PTTG1IP: variants seen among roughly 807,000 people sequenced by gnomAD.
The protein encoded by PTTG1IP is pituitary tumor-transforming gene 1 protein-interacting protein.
In PTTG1IP, 16 loss-of-function variants were observed where a neutral mutation model predicts 24.4. That is an observed-to-expected ratio of 0.66 (90% CI 0.44 to 1.00). PTTG1IP has a LOEUF of 1.00. PTTG1IP is among the 50% of genes least tolerant of loss of function. PTTG1IP has a pLI of 0.00. For missense variants in PTTG1IP, 241 were observed against 245.8 expected (o/e 0.98, Z 0.13); for synonymous variants, 89 against 96.8 (o/e 0.92, Z 0.47).
rs1472852030 is a variant in PTTG1IP, at chr21:44,856,269, T to C, written c.373A>G (p.Arg125Gly). 18 of 1,614,058 alleles carry C rather than the reference T, an allele frequency of 1.1e-5. No homozygotes were observed. The Admixed American group carries it at 3.0e-4, about 27-fold the overall frequency. The change falls in exon 4 of 6, where the codon AGG (arginine) becomes GGG (glycine). Residue 125 changes from arginine (R) to glycine (G), a missense_variant. Arg to Gly is a moderately radical substitution (Grantham distance 125). Transcript: ENST00000330938. Reference sequence around the variant, plus strand: ...TCACTCCTGTCCGGCTTCCGGCTCCTCTTCCTCCTGCAGCAGCAGCAGCAG... The same window carrying C: ...TCACTCCTGTCCGGCTTCCGGCTCCCCTTCCTCCTGCAGCAGCAGCAGCAG... The part of the protein sequence containing the change: ...ICCCCCCRRK[R>G]SRKPDRSEEK...
intron 1 of PTTG1IP, among the ~76,000 whole-genome samples, chr21:44,866,519 AAC>A (rs1357526824): frequency 9.9e-6 from 1 of 100,582 alleles, no homozygotes; most frequent in Non-Finnish European, 1.9e-5. Flanking sequence ...CCAATCCCGT[AAC>A]ACACACGCAG....
At chr21:44,868,688 C>T (rs1601258538) in intron 1 of PTTG1IP, among the ~76,000 whole-genome samples, 1 of 152,284 alleles carries the variant, frequency 6.6e-6, no homozygotes, top group Non-Finnish European at 1.5e-5. Context: ...AAGAGAAGGC[C>T]GAGTGGCAAA....
chr21:44,861,117 A>G, intron 3 of PTTG1IP, 46 bp downstream of exon 3: 1 of 1,550,262 alleles, frequency 6.5e-7, no homozygotes, highest in East Asian at 2.3e-5. Context: ...TACTATTTTC[A>G]AAGAAGCATC....
At chr21:44,870,537 A>AAAAG (rs1555972828) in intron 1 of PTTG1IP, among the ~76,000 whole-genome samples, 1 of 149,882 alleles carries the variant, frequency 6.7e-6, no homozygotes, top group Non-Finnish European at 1.5e-5. Flanking sequence ...AAAAAAAAAA[A>AAAAG]AAAAAAAAAA....
At chr21:44,869,317 A>C (rs1306354650) in intron 1 of PTTG1IP, among the ~76,000 whole-genome samples, 3 of 152,232 alleles carry the variant, frequency 2.0e-5, no homozygotes, top group African/African-American at 7.2e-5. Context: ...TAATTATATA[A>C]ATTTCAGTTA....
intron 3 of PTTG1IP, among the ~76,000 whole-genome samples, chr21:44,858,210 C>T (rs964023855): frequency 6.6e-6 from 1 of 152,266 alleles, no homozygotes; most frequent in East Asian, 1.9e-4. Context: ...TTCAAGTAAG[C>T]ATGTTTATCA....
At chr21:44,858,962 G>A (rs986989722) in intron 3 of PTTG1IP, among the ~76,000 whole-genome samples, 1 of 152,138 alleles carries the variant, frequency 6.6e-6, no homozygotes, top group Non-Finnish European at 1.5e-5. Context: ...TTTGGCAGAC[G>A]TACTAAGGCT....
intron 2 of PTTG1IP, among the ~76,000 whole-genome samples, chr21:44,862,459 C>T (rs561409309): frequency 2.6e-5 from 4 of 152,094 alleles, no homozygotes; most frequent in Admixed American, 6.5e-5. Context: ...GCGCAGGTTG[C>T]GGTGAGCCGA....
intron 1 of PTTG1IP, 89 bp downstream of exon 1, chr21:44,873,413 G>A: frequency 8.5e-7 from 1 of 1,170,790 alleles, no homozygotes; most frequent in South Asian, 3.8e-5. Context: ...CGAGCCCAGC[G>A]CCCTGGCCGA....
At chr21:44,858,292 G>GGTTACC (rs2083463526) in intron 3 of PTTG1IP, among the ~76,000 whole-genome samples, 1 of 152,236 alleles carries the variant, frequency 6.6e-6, no homozygotes. Context: ...TTACCTGTAA[G>GGTTACC]AATAAACAAG....
chr21:44,853,273 C>T (rs1378302455), intron 5 of PTTG1IP, among the ~76,000 whole-genome samples: 4 of 152,092 alleles, frequency 2.6e-5, no homozygotes, highest in Non-Finnish European at 5.9e-5. Context: ...TCTGGGAGGC[C>T]GAGGCGGGCG....
At chr21:44,870,741 G>A (rs2083578573) in intron 1 of PTTG1IP, among the ~76,000 whole-genome samples, 1 of 152,092 alleles carries the variant, frequency 6.6e-6, no homozygotes, top group Non-Finnish European at 1.5e-5. Context: ...ATGACTGCAA[G>A]GCTTCAACTT....
chr21:44,865,089 G>A lies in PTTG1IP; in HGVS notation c.168+306C>T, dbSNP rs531833357. Reference sequence around the variant, plus strand: ...TCACAACCTGAGGGTGTAGCTTTGCGGACAGCCAAATTTCTCGCTATGGGC... The same window carrying A: ...TCACAACCTGAGGGTGTAGCTTTGCAGACAGCCAAATTTCTCGCTATGGGC... On this transcript the variant is annotated intron_variant, in intron 2 of 5. Transcript: ENST00000330938. Among the ~76,000 whole-genome samples, 18 of 152,294 alleles carry A rather than the reference G, an allele frequency of 1.2e-4. No homozygotes were observed. The South Asian group carries it at 3.1e-3, about 26-fold the overall frequency.
At chr21:44,870,350 G>A (rs1048255461) in intron 1 of PTTG1IP, among the ~76,000 whole-genome samples, 2 of 152,034 alleles carry the variant, frequency 1.3e-5, no homozygotes, top group African/African-American at 4.8e-5. Context: ...AGACCGGCCT[G>A]GCCGACATGG....
chr21:44,865,402 T>C lies in PTTG1IP; in HGVS notation c.161A>G (p.Asn54Ser). 1 of 1,614,148 alleles carries C rather than the reference T, an allele frequency of 6.2e-7. No individual in the cohort carries two copies. The highest frequency in any genetic ancestry group is 8.5e-7 in the Non-Finnish European group (1 of 1,180,006). ...AGTCCACGTGCTACTTACGGAGACG[T>C]TCTTCAGGCACTCTTCACAGGTTTT... ...TNKTCEECLK[N>S]VSCLWCNTNK... The change falls in exon 2 of 6, where the codon AAC becomes AGC. Residue 54 changes from asparagine (N) to serine (S), a missense_variant. By Grantham distance (46) the Asn-to-Ser change is conservative. Transcript: ENST00000330938.
In PTTG1IP at chr21:44,851,240, C is replaced by T; in HGVS notation, c.*341G>A. 1 of 1,184,418 alleles carries T rather than the reference C, an allele frequency of 8.4e-7. No individual in the cohort carries two copies. Among genetic ancestry groups the T allele is most frequent in the Non-Finnish European group, 1.1e-6 (1 of 870,224 alleles). 73.4% of individuals were successfully genotyped at this position (1,184,418 alleles called of 1,614,324 possible). ...GACAGAGAGAAACGCAGGGTTCTGC[C>T]CTGGGAGAATGACAGCCACAGCGCT... is the stretch of plus-strand genomic sequence containing the variant. On this transcript the variant is annotated 3_prime_UTR_variant, in exon 6 of 6. Transcript: ENST00000330938.
chr21:44,862,079 CGTGT>C, intron 2 of PTTG1IP: 1 of 539,398 alleles, frequency 1.9e-6, no homozygotes, highest in Non-Finnish European at 3.4e-6. Context: ...CCATCACACC[CGTGT>C]GTGTGTGTGT....
intron 1 of PTTG1IP, among the ~76,000 whole-genome samples, 192 bp downstream of exon 1, chr21:44,873,310 C>G (rs1189247488): frequency 2.0e-5 from 3 of 152,184 alleles, no homozygotes; most frequent in African/African-American, 7.2e-5. Flanking sequence ...GCGCCCCAGC[C>G]GCGACGGCAG....
At chr21:44,861,091 C>T (rs2083487811) in intron 3 of PTTG1IP, 72 bp downstream of exon 3, 19 of 1,361,668 alleles carry the variant, frequency 1.4e-5, no homozygotes, top group East Asian at 4.7e-5. Flanking sequence ...CGTGAGCCAC[C>T]GCGCCCGGCC....
Sources: gnomAD v4.1 joint callset for allele counts (sites outside exome capture counted in the v4.1 genomes callset) on GRCh38, gnomAD v4.1.1 for gene constraint, MANE v1.5 for transcripts, NCBI Gene and HGNC (gene_info 2026-07-23, HGNC 2026-07-21) for gene names.